Variants in FARP1 observed in about 807,000 individuals in gnomAD.
The protein encoded by FARP1 is FERM, ARH/RhoGEF and pleckstrin domain protein 1.
In FARP1, 52 loss-of-function variants were observed where a neutral mutation model predicts 128.8. The observed-to-expected ratio is 0.40, with a 90% confidence interval of 0.32 to 0.51. The LOEUF (loss-of-function observed/expected upper bound fraction) is 0.51, where lower values mean the gene tolerates loss of function less well. Ranked by LOEUF, FARP1 falls within the 20% of genes least tolerant of loss-of-function variation. FARP1 has a pLI of 0.45. For synonymous variants in FARP1, 580 were observed against 551.8 expected (o/e 1.05, Z -0.72); for missense variants, 1,333 against 1,367.9 (o/e 0.97, Z 0.40).
intron 1 of FARP1, among the ~76,000 whole-genome samples, chr13:98,157,165 T>C (rs1312603254): frequency 1.3e-5 from 2 of 152,204 alleles, no homozygotes; most frequent in African/African-American, 4.8e-5. Context: ...TTGAGTTGAC[T>C]GGAGTAGTCA....
chr13:98,336,472 G>T (rs138908954), intron 2 of FARP1, among the ~76,000 whole-genome samples: 4 of 152,070 alleles, frequency 2.6e-5, no homozygotes, highest in African/African-American at 7.2e-5. Flanking sequence ...GGGTTTTGCC[G>T]TGTTGGCCAG....
At chr13:98,323,444 G>C (rs924300231) in intron 2 of FARP1, among the ~76,000 whole-genome samples, 3 of 147,682 alleles carry the variant, frequency 2.0e-5, no homozygotes, top group African/African-American at 4.9e-5. Context: ...GTTGTTTACA[G>C]TAGAAGTATT....
chr13:98,414,131 C>A (rs1566302952), intron 16 of FARP1, among the ~76,000 whole-genome samples: 1 of 152,266 alleles, frequency 6.6e-6, no homozygotes, highest in East Asian at 1.9e-4. Context: ...AAATCTTTAC[C>A]TTATCTGTGA....
intron 11 of FARP1, among the ~76,000 whole-genome samples, 196 bp downstream of exon 11, chr13:98,391,076 G>A (rs1192361662): frequency 1.3e-5 from 2 of 152,144 alleles, no homozygotes; most frequent in Admixed American, 6.5e-5. Context: ...ACCCTCGAGA[G>A]TGAGATGAGA....
chr13:98,369,738 G>A (rs896748441), intron 5 of FARP1, among the ~76,000 whole-genome samples: 3 of 152,078 alleles, frequency 2.0e-5, no homozygotes, highest in African/African-American at 7.2e-5. Flanking sequence ...GTGTATGTGT[G>A]CCACATTTTC....
chr13:98,383,664 T>A lies in FARP1; in HGVS notation c.497-1066T>A, dbSNP rs1204322088. 3 of 152,228 alleles carry A rather than the reference T, an allele frequency of 2.0e-5. No individual in the cohort carries two copies. The East Asian group carries it at 5.8e-4, about 29-fold the overall frequency. The allele number at this position is 152,228 out of a possible 1,614,324, so 9.4% of individuals were successfully genotyped here. Reference sequence around the variant, plus strand: ...TTTTTATGAAGCTTGTTATACAGTATATGTGATACAAAGAAAAAGGTGTGC... The same window carrying A: ...TTTTTATGAAGCTTGTTATACAGTAAATGTGATACAAAGAAAAAGGTGTGC... On this transcript the variant is annotated intron_variant, in intron 6 of 26. Coordinates refer to ENST00000319562, the MANE Select transcript of FARP1 (RefSeq NM_005766.4).
chr13:98,188,156 G>A lies in FARP1; in HGVS notation c.-23-25064G>A, dbSNP rs7996108. ...TTGAGTGGACTTTCCTGGTGGGGCC[G>A]AACACCCCTCGCATTTCGGCAGCAC... On this transcript the variant is annotated intron_variant, in intron 1 of 26. Coordinates refer to ENST00000319562, the MANE Select transcript of FARP1 (RefSeq NM_005766.4). 6.1e-3 allele frequency among the ~76,000 whole-genome samples: 923 copies of A among 152,190 alleles called. 9 individuals carry two copies. The highest frequency in any genetic ancestry group is 0.021 in the African/African-American group (885 of 41,538).
At chr13:98,291,449 G>C (rs1456523097) in intron 2 of FARP1, among the ~76,000 whole-genome samples, 1 of 152,164 alleles carries the variant, frequency 6.6e-6, no homozygotes, top group African/African-American at 2.4e-5. Flanking sequence ...ATGTCGTTCA[G>C]AGGCCAAATG....
intron 2 of FARP1, among the ~76,000 whole-genome samples, chr13:98,285,167 T>G (rs17565512): frequency 0.17 from 26,291 of 152,150 alleles, 2,517 homozygotes; most frequent in Non-Finnish European, 0.21. Flanking sequence ...AATGTGCATG[T>G]CCCCTTATTG....
chr13:98,384,940 T>C (rs1407640803), intron 7 of FARP1, 96 bp downstream of exon 7: 4 of 744,982 alleles, frequency 5.4e-6, no homozygotes, highest in Non-Finnish European at 9.6e-6. Flanking sequence ...ACACAAACTA[T>C]TGTGGAGAAC....
At chr13:98,196,122 T>A (rs1431416560) in intron 1 of FARP1, among the ~76,000 whole-genome samples, 1 of 152,192 alleles carries the variant, frequency 6.6e-6, no homozygotes, top group Non-Finnish European at 1.5e-5. Flanking sequence ...CCTCAGTAGC[T>A]TAGTGATTTG....
chr13:98,358,191 G>A (rs1168705488), intron 3 of FARP1, among the ~76,000 whole-genome samples: 3 of 150,020 alleles, frequency 2.0e-5, no homozygotes, highest in South Asian at 2.1e-4. Context: ...CTGTGAACTC[G>A]CATCCCTTTG....
intron 2 of FARP1, among the ~76,000 whole-genome samples, chr13:98,319,696 G>T (rs775820962): frequency 2.6e-5 from 4 of 152,212 alleles, no homozygotes; most frequent in Non-Finnish European, 5.9e-5. Flanking sequence ...TAAACCCACA[G>T]TAGAGCATGT....
chr13:98,399,738 A>T (rs371600585), intron 13 of FARP1: 1 of 152,198 alleles, frequency 6.6e-6, no homozygotes. Flanking sequence ...GACAAGCCCT[A>T]TGTAAACACA....
In FARP1 at chr13:98,176,309, T is replaced by C; in HGVS notation, c.-24+32817T>C. Reference sequence around the variant, plus strand: ...TCTGCAGCCTGAAGCTTTTGCAGTTTCGCCATCAGTTCTTTGGCGGGGTTA... The same window carrying C: ...TCTGCAGCCTGAAGCTTTTGCAGTTCCGCCATCAGTTCTTTGGCGGGGTTA... On this transcript the variant is annotated intron_variant, in intron 1 of 26. Coordinates refer to ENST00000319562, the MANE Select transcript of FARP1 (RefSeq NM_005766.4). This position sits in a 1 kb window ranked among gnomAD's most constrained non-coding sequence, Gnocchi z 6.2. 1.2e-6 allele frequency: 2 copies of C among 1,613,018 alleles called. No individual in the cohort carries two copies. Among genetic ancestry groups the C allele is most frequent in the Admixed American group, 3.3e-5 (2 of 59,980 alleles).
intron 4 of FARP1, 57 bp from the exon 5 acceptor site, chr13:98,368,060 A>G (rs1889174754): frequency 7.4e-7 from 1 of 1,358,530 alleles, no homozygotes; most frequent in Non-Finnish European, 1.0e-6. Context: ...TTTTTCTTTA[A>G]TGGCATTTGA....
chr13:98,201,404 G>A (rs1250038245), intron 1 of FARP1, among the ~76,000 whole-genome samples: 2 of 152,326 alleles, frequency 1.3e-5, no homozygotes, highest in Non-Finnish European at 2.9e-5. Flanking sequence ...AGCTGAGATC[G>A]CGCCACTGCA....
intron 5 of FARP1, 149 bp downstream of exon 5, chr13:98,368,344 C>A: frequency 1.6e-6 from 1 of 619,062 alleles, no homozygotes; most frequent in Non-Finnish European, 2.8e-6. Flanking sequence ...TCCTCTTTCC[C>A]AGCCCTGCTT....
intron 2 of FARP1, among the ~76,000 whole-genome samples, chr13:98,302,740 C>G (rs1324619750): frequency 6.6e-6 from 1 of 152,138 alleles, no homozygotes; most frequent in South Asian, 2.1e-4. Context: ...AGATTGAGGT[C>G]GATGAGGTAG....
Sources: allele counts gnomAD v4.1 joint callset (sites outside exome capture counted in the v4.1 genomes callset), GRCh38; gene constraint gnomAD v4.1.1; non-coding constraint Gnocchi (gnomAD v3.1); transcripts MANE v1.5; gene names NCBI Gene and HGNC (gene_info 2026-07-23, HGNC 2026-07-21).